Variants in CTDSPL observed in about 807,000 individuals in gnomAD.
CTDSPL encodes CTD small phosphatase like.
A neutral mutation model predicts 30.5 loss-of-function variants in CTDSPL; 8 were observed. That is an observed-to-expected ratio of 0.26 (90% confidence interval 0.15 to 0.47). The LOEUF (loss-of-function observed/expected upper bound fraction) is 0.47. Among genes scored for constraint, CTDSPL ranks in the 20% least tolerant of loss-of-function variants. The probability of loss-of-function intolerance (pLI) is 0.99; values close to 1 mark genes in which losing one functional copy is unlikely to be tolerated. For synonymous variants in CTDSPL, 110 were observed against 137.9 expected (o/e 0.80, Z 1.42); for missense variants, 248 against 366.1 (o/e 0.68, Z 2.63).
intron 1 of CTDSPL, among the ~76,000 whole-genome samples, chr3:37,880,475 C>T (rs1698190911): frequency 6.6e-6 from 1 of 152,176 alleles, no homozygotes; most frequent in Admixed American, 6.5e-5. Context: ...AGAATAAATT[C>T]TAAGCTCACC....
intron 1 of CTDSPL, among the ~76,000 whole-genome samples, chr3:37,877,600 T>G (rs911883802): frequency 6.6e-6 from 1 of 152,096 alleles, no homozygotes; most frequent in Non-Finnish European, 1.5e-5. Context: ...TTGGTATATA[T>G]ACAGAAGTAG....
chr3:37,969,397 G>C (rs1357595911), intron 5 of CTDSPL: 5 of 527,476 alleles, frequency 9.5e-6, no homozygotes, highest in Non-Finnish European at 1.9e-5. Context: ...AGGCCCTGGC[G>C]AAGGCCGTGG....
intron 1 of CTDSPL, among the ~76,000 whole-genome samples, chr3:37,878,815 G>A (rs1011875860): frequency 6.6e-5 from 10 of 152,082 alleles, no homozygotes; most frequent in African/African-American, 2.4e-4. Flanking sequence ...CTAATACTGA[G>A]TATACTTATA....
chr3:37,944,382 A>C (rs950415978), intron 1 of CTDSPL, among the ~76,000 whole-genome samples: 1 of 150,352 alleles, frequency 6.7e-6, no homozygotes, highest in Non-Finnish European at 1.5e-5. Context: ...ACATTTGTCC[A>C]TTAAACTGAA....
At chr3:37,946,720 G>A (rs1699043126) in intron 1 of CTDSPL, among the ~76,000 whole-genome samples, 1 of 152,140 alleles carries the variant, frequency 6.6e-6, no homozygotes, top group Admixed American at 6.5e-5. Context: ...TGCAGGGTGG[G>A]AATACTTCAT....
Position 37,930,311 on chromosome 3 carries a change from A to C in CTDSPL, c.80-16746A>C, listed in dbSNP as rs536067098. On this transcript the variant is annotated intron_variant, in intron 1 of 7. Coordinates refer to ENST00000273179, the MANE Select transcript of CTDSPL (RefSeq NM_001008392.2). ...GGTTTCACTCTGTCACCCAGGCTGG[A>C]GTGCAGCAGTGTAATCATAGTTCAC... Among the ~76,000 whole-genome samples the C allele has an allele frequency of 2.6e-5, 4 of 152,050 alleles. No individual in the cohort carries two copies. The South Asian group carries it at 8.3e-4, about 32-fold the overall frequency.
chr3:37,960,208 T>C (rs1478683769), intron 3 of CTDSPL, among the ~76,000 whole-genome samples: 1 of 151,096 alleles, frequency 6.6e-6, no homozygotes, highest in Non-Finnish European at 1.5e-5. Flanking sequence ...AGGCTGGGCG[T>C]GGTAGCTCAC....
Position 37,947,194 on chromosome 3 carries a change from A to G in CTDSPL, c.217A>G (p.Asn73Asp), listed in dbSNP as rs920949423. 8.7e-6 allele frequency: 14 copies of G among 1,612,082 alleles called. No individual in the cohort carries two copies. Among genetic ancestry groups the G allele is most frequent in the Non-Finnish European group, 1.2e-5 (14 of 1,179,824 alleles). Residue 73 changes from asparagine to aspartate, a missense_variant, in exon 2 of 8, where the codon AAT becomes GAT. By Grantham distance (23) the Asn-to-Asp change is conservative. Around this residue, in one of 4 missense-constraint regions of CTDSPL, gnomAD observed 118 missense variants for 124.7 expected, o/e 0.95. Coordinates refer to ENST00000273179, the MANE Select transcript of CTDSPL (RefSeq NM_001008392.2). ...PSVLPPLVEE[N>D]GGLQKGDQRQ... Reference sequence around the variant, plus strand: ...TGTGCTTCCGCCACTGGTGGAGGAGAATGGTGGGCTTCAGAAGGTCAGTAC... The same window carrying G: ...TGTGCTTCCGCCACTGGTGGAGGAGGATGGTGGGCTTCAGAAGGTCAGTAC...
chr3:37,969,511 C>T (rs760914126), intron 5 of CTDSPL: 3 of 454,478 alleles, frequency 6.6e-6, no homozygotes, highest in South Asian at 5.1e-5. Context: ...GGGCTCAGGA[C>T]CCCCCTCTCT....
At chr3:37,943,728 G>A (rs1466023013) in intron 1 of CTDSPL, among the ~76,000 whole-genome samples, 1 of 150,196 alleles carries the variant, frequency 6.7e-6, no homozygotes, top group Non-Finnish European at 1.5e-5. Context: ...CGTAAAGGGG[G>A]CAAGCGAGGA....
At chr3:37,922,705 T>G (rs1698732054) in intron 1 of CTDSPL, among the ~76,000 whole-genome samples, 1 of 152,242 alleles carries the variant, frequency 6.6e-6, no homozygotes, top group Non-Finnish European at 1.5e-5. Flanking sequence ...ACTTTGTCAC[T>G]CCTTATTACA....
chr3:37,977,423 TG>T (rs562010714), intron 7 of CTDSPL, among the ~76,000 whole-genome samples: 106 of 152,294 alleles, frequency 7.0e-4, no homozygotes, highest in African/African-American at 2.5e-3. Flanking sequence ...GCCATTTATT[TG>T]TTGAAGAAGC....
chr3:37,893,037 A>G (rs1251535333), intron 1 of CTDSPL, among the ~76,000 whole-genome samples: 1 of 152,160 alleles, frequency 6.6e-6, no homozygotes, highest in Admixed American at 6.5e-5. Flanking sequence ...GCCAAGAGGG[A>G]GGAAAGGGAA....
chr3:37,982,844 G>C lies in CTDSPL; in HGVS notation c.*1977G>C. 6 of 358,922 alleles carry C rather than the reference G, an allele frequency of 1.7e-5. No homozygotes were observed. In the East Asian group the frequency reaches 4.4e-4, roughly 27 times the overall value. The allele number at this position is 358,922 out of a possible 1,614,324, so 22.2% of individuals were successfully genotyped here. A position where few individuals can be genotyped will look rare whatever the true frequency, so the allele number is the denominator to read the frequency against. ...ACCCACTGCCTTAAATGTCTTGAAT[G>C]TTGCAGTCAAGTGTCTGTCATGTGT... On this transcript the variant is annotated 3_prime_UTR_variant, in exon 8 of 8. Transcript: ENST00000273179.
chr3:37,902,218 G>A (rs2125601657), intron 1 of CTDSPL, among the ~76,000 whole-genome samples: 1 of 152,334 alleles, frequency 6.6e-6, no homozygotes. Flanking sequence ...GGAGAAGAGT[G>A]CGTGTTTGAT....
rs1490040544 is a variant in CTDSPL, at chr3:37,978,973, TTTTG to T, written c.706-1765_706-1762del. Among the ~76,000 whole-genome samples the T allele has an allele frequency of 3.3e-5, 5 of 152,220 alleles. No individual in the cohort carries two copies. In the East Asian group the frequency reaches 7.7e-4, roughly 23 times the overall value. On this transcript the variant is annotated intron_variant, in intron 7 of 7. Coordinates refer to ENST00000273179, the MANE Select transcript of CTDSPL (RefSeq NM_001008392.2). ...CGTTTTTATGTAACTTCTTTGCTTG[TTTTG>T]TTTTTGTATCCCTTTCTCTTATGCT... is the stretch of plus-strand genomic sequence containing the variant.
In CTDSPL at chr3:37,960,505, AATATAT is replaced by A. The variant is rs1379736177; in HGVS notation, c.267+3388_267+3393del. 2.3e-3 allele frequency among the ~76,000 whole-genome samples: 90 copies of A among 38,456 alleles called. 1 individual carries two copies. Among genetic ancestry groups the A allele is most frequent in the East Asian group, 0.01 (12 of 1,176 alleles). The allele number at this position is 38,456 out of a possible 152,430, so 25.2% of individuals were successfully genotyped here. On this transcript the variant is annotated intron_variant, in intron 3 of 7. Coordinates refer to ENST00000273179, the MANE Select transcript of CTDSPL (RefSeq NM_001008392.2). Reference sequence around the variant, plus strand: ...CAAAAAAAAAAAAAAAAAAAAAAAAAATATATATATATATATATATATATATATATA... The same window carrying A: ...CAAAAAAAAAAAAAAAAAAAAAAAAAATATATATATATATATATATATATA...
At chr3:37,961,628 G>A (rs1270195054) in intron 3 of CTDSPL, among the ~76,000 whole-genome samples, 3 of 152,086 alleles carry the variant, frequency 2.0e-5, no homozygotes, top group African/African-American at 7.2e-5. Context: ...TTCTTTCCAC[G>A]AAAACATTAT....
intron 1 of CTDSPL, among the ~76,000 whole-genome samples, chr3:37,895,859 G>A (rs143630154): frequency 4.9e-4 from 74 of 151,770 alleles, no homozygotes; most frequent in African/African-American, 1.7e-3. Flanking sequence ...GCACTTCACT[G>A]AATGTAAATT....
Sources: gnomAD v4.1 joint callset for allele counts (sites outside exome capture counted in the v4.1 genomes callset) on GRCh38, gnomAD v4.1.1 for gene constraint, gnomAD v4.1.1 regional missense constraint, MANE v1.5 for transcripts, NCBI Gene and HGNC (gene_info 2026-07-23, HGNC 2026-07-21) for gene names.